CAMK1D: variants seen among roughly 807,000 people sequenced by gnomAD.
The protein encoded by CAMK1D is calcium/calmodulin-dependent protein kinase type 1D.
CAMK1D carries 9 observed loss-of-function variants against 47.7 expected under a neutral mutation model. The observed-to-expected ratio is 0.19, with a 90% CI of 0.11 to 0.33. The LOEUF (loss-of-function observed/expected upper bound fraction) is 0.33, where lower values mean the gene tolerates loss of function less well. Ranked by LOEUF, CAMK1D falls within the 10% of genes least tolerant of loss-of-function variation. The pLI is 1.00. For synonymous variants in CAMK1D, 184 were observed against 184.9 expected (o/e 0.99, Z 0.04); for missense variants, 291 against 488.7 (o/e 0.60, Z 3.81).
chr10:12,406,779 T>G (rs570780612), intron 1 of CAMK1D, among the ~76,000 whole-genome samples: 3 of 143,018 alleles, frequency 2.1e-5, no homozygotes, highest in Non-Finnish European at 4.5e-5. Flanking sequence ...TGTAAAGTCA[T>G]GCGTCCAAAT....
At chr10:12,608,861 C>T (rs944435809) in intron 2 of CAMK1D, among the ~76,000 whole-genome samples, 2 of 152,210 alleles carry the variant, frequency 1.3e-5, no homozygotes, top group African/African-American at 4.8e-5. Flanking sequence ...TAAACGTGGG[C>T]AAGTTATTTC....
intron 1 of CAMK1D, among the ~76,000 whole-genome samples, chr10:12,449,342 A>G (rs1833013983): frequency 6.6e-6 from 1 of 152,060 alleles, no homozygotes; most frequent in African/African-American, 2.4e-5. Flanking sequence ...TGTTGAGAGT[A>G]TAGCATGTTG....
chr10:12,524,479 G>A (rs925982517), intron 1 of CAMK1D, among the ~76,000 whole-genome samples: 3 of 152,020 alleles, frequency 2.0e-5, no homozygotes, highest in East Asian at 2.0e-4. Context: ...AGGCTGAGGC[G>A]GGCGGATCAC....
In CAMK1D at chr10:12,557,508, C is replaced by T. The variant is rs545986664; in HGVS notation, c.224+4152C>T. Among the ~76,000 whole-genome samples, 7 of 144,326 alleles carry T rather than the reference C, an allele frequency of 4.9e-5. No individual in the cohort carries two copies. In the East Asian group the frequency reaches 1.2e-3, roughly 25 times the overall value. The allele number at this position is 144,326 out of a possible 152,430, so 94.7% of individuals were successfully genotyped here. ...CAGAGCTTGAAGTGAGCCCAGATCG[C>T]GCCACTGCACTCCAGCCTGGGCGAC... On this transcript the variant is annotated intron_variant, in intron 2 of 10. Coordinates refer to ENST00000619168, the MANE Select transcript of CAMK1D (RefSeq NM_153498.4).
chr10:12,426,851 AC>A (rs1280443665), intron 1 of CAMK1D, among the ~76,000 whole-genome samples: 2 of 152,144 alleles, frequency 1.3e-5, no homozygotes, highest in Non-Finnish European at 2.9e-5. Context: ...AGTAGCTGGG[AC>A]CACAGGTGCA....
At chr10:12,828,746 C>T in intron 10 of CAMK1D, 23 bp from the exon 11 acceptor site, 1 of 1,581,912 alleles carries the variant, frequency 6.3e-7, no homozygotes, top group Non-Finnish European at 8.7e-7. Flanking sequence ...AACTCTGAAG[C>T]CCACTTCTGC....
intron 1 of CAMK1D, among the ~76,000 whole-genome samples, chr10:12,551,850 C>A (rs941854271): frequency 1.3e-5 from 2 of 152,226 alleles, no homozygotes; most frequent in Admixed American, 6.5e-5. Context: ...GTCCCTGATG[C>A]CAAAAAGGTT....
chr10:12,563,109 GAAAGCC>G (rs1192017927), intron 2 of CAMK1D, among the ~76,000 whole-genome samples: 7 of 152,256 alleles, frequency 4.6e-5, no homozygotes, highest in Non-Finnish European at 1.0e-4. Flanking sequence ...GGAGACCCGG[GAAAGCC>G]AACTGGACTT....
chr10:12,577,221 G>A (rs540640592), intron 2 of CAMK1D, among the ~76,000 whole-genome samples: 7 of 152,306 alleles, frequency 4.6e-5, no homozygotes, highest in Non-Finnish European at 7.4e-5. Flanking sequence ...GACACACAGC[G>A]AAAATTCCTG....
rs1270432851 is a variant in CAMK1D, at chr10:12,518,931, C to T, written c.93-34294C>T. ...AACCATCCGATTTCTCAATTTTTTC[C>T]CCACCCTTCCCGCCTTTCTATTCCA... On this transcript the variant is annotated intron_variant, in intron 1 of 10. Coordinates refer to ENST00000619168, the MANE Select transcript of CAMK1D (RefSeq NM_153498.4). Among the ~76,000 whole-genome samples the T allele has an allele frequency of 2.0e-4, 26 of 130,138 alleles. 2 individuals are homozygous for T. The highest frequency in any genetic ancestry group is 6.9e-4 in the African/African-American group (24 of 34,788). The allele number at this position is 130,138 out of a possible 152,430, so 85.4% of individuals were successfully genotyped here.
In CAMK1D at chr10:12,753,418, C is replaced by T. The variant is rs182287901; in HGVS notation, c.300-7530C>T. 8.6e-3 allele frequency among the ~76,000 whole-genome samples: 1,306 copies of T among 152,292 alleles called. 24 individuals are homozygous for T. The highest frequency in any genetic ancestry group is 0.029 in the African/African-American group (1,212 of 41,554). On this transcript the variant is annotated intron_variant, in intron 3 of 10. Coordinates refer to ENST00000619168, the MANE Select transcript of CAMK1D (RefSeq NM_153498.4). Reference sequence around the variant, plus strand: ...GTGACTGGTTCATTAACCTAGGACACCTCAGGAAATATGTCATGCTAGGTT... The same window carrying T: ...GTGACTGGTTCATTAACCTAGGACATCTCAGGAAATATGTCATGCTAGGTT...
chr10:12,695,611 T>C (rs887687341), intron 3 of CAMK1D, among the ~76,000 whole-genome samples: 1 of 152,220 alleles, frequency 6.6e-6, no homozygotes, highest in African/African-American at 2.4e-5. Flanking sequence ...CACTGTGGGA[T>C]GCAGTGCCGT....
chr10:12,353,495 G>C (rs972307353), intron 1 of CAMK1D, among the ~76,000 whole-genome samples: 1 of 152,162 alleles, frequency 6.6e-6, no homozygotes, highest in African/African-American at 2.4e-5. Flanking sequence ...GGGTCAAGGC[G>C]GTTAGGCTGT....
At chr10:12,807,215 G>A (rs115330484) in intron 6 of CAMK1D, among the ~76,000 whole-genome samples, 1,795 of 152,298 alleles carry the variant, frequency 0.012, 41 homozygotes, top group African/African-American at 0.041. Context: ...GGAATCACTC[G>A]TTGATATCCT....
chr10:12,735,641 G>A (rs1163339142), intron 3 of CAMK1D, among the ~76,000 whole-genome samples: 1 of 152,144 alleles, frequency 6.6e-6, no homozygotes, highest in African/African-American at 2.4e-5. Context: ...ACCTCTAGAG[G>A]TACCAACCGT....
intron 1 of CAMK1D, among the ~76,000 whole-genome samples, chr10:12,522,686 A>G (rs975957434): frequency 6.6e-6 from 1 of 151,786 alleles, no homozygotes; most frequent in African/African-American, 2.4e-5. Context: ...CATTGTCATC[A>G]TGGCCCGTTC....
At position 12,361,415 on chromosome 10, in the gene CAMK1D, T is replaced by C. The variant is rs556265070; in HGVS notation, c.92+11505T>C. Among the ~76,000 whole-genome samples, 71 of 151,628 alleles carry C rather than the reference T, an allele frequency of 4.7e-4. 1 individual carries two copies. The highest frequency in any genetic ancestry group is 8.5e-4 in the Non-Finnish European group (58 of 67,948). ...GCATGCACCACCACACCCAGCTAAT[T>C]TTTGTACTTTTAGTAGAGACGGGGT... is the stretch of plus-strand genomic sequence containing the variant. On this transcript the variant is annotated intron_variant, in intron 1 of 10. Coordinates refer to ENST00000619168, the MANE Select transcript of CAMK1D (RefSeq NM_153498.4).
intron 1 of CAMK1D, among the ~76,000 whole-genome samples, chr10:12,361,567 T>G (rs1837664816): frequency 7.1e-6 from 1 of 139,862 alleles, no homozygotes; most frequent in Non-Finnish European, 1.5e-5. Flanking sequence ...TTTTTTTTTT[T>G]TTAATTGAGA....
chr10:12,649,397 A>T (rs187860294), intron 2 of CAMK1D, among the ~76,000 whole-genome samples: 2 of 152,338 alleles, frequency 1.3e-5, no homozygotes, highest in African/African-American at 4.8e-5. Context: ...GGGGGAGCCC[A>T]TGGGAACTCG....
Sources: gnomAD v4.1 joint callset for allele counts (sites outside exome capture counted in the v4.1 genomes callset) on GRCh38, gnomAD v4.1.1 for gene constraint, MANE v1.5 for transcripts, NCBI Gene and HGNC (gene_info 2026-07-23, HGNC 2026-07-21) for gene names.